Variants in HEPHL1 observed in about 807,000 individuals in gnomAD.
HEPHL1 encodes hephaestin like 1, also known as ferroxidase HEPHL1.
A neutral mutation model predicts 122.0 loss-of-function variants in HEPHL1; 123 were observed. The ratio of observed to expected loss-of-function variants is 1.01; its 90% CI spans 0.87 to 1.17. HEPHL1 has a LOEUF of 1.17. Among genes scored for constraint, HEPHL1 ranks in the 50% most tolerant of loss-of-function variants. The probability of loss-of-function intolerance (pLI) is 0.00; values close to 1 mark genes in which losing one functional copy is unlikely to be tolerated. For missense variants in HEPHL1, 1,452 were observed against 1,430.5 expected (o/e 1.01, Z -0.24); for synonymous variants, 527 against 508.9 (o/e 1.04, Z -0.48).
chr11:94,101,418 G>T (rs1396941794), intron 14 of HEPHL1, 83 bp downstream of exon 14: 6 of 1,373,240 alleles, frequency 4.4e-6, no homozygotes, highest in South Asian at 1.4e-5. Context: ...GTCTTAAAGA[G>T]CTCATCTTAA....
intron 1 of HEPHL1, among the ~76,000 whole-genome samples, chr11:94,023,837 G>C (rs1025343215): frequency 3.3e-5 from 5 of 152,126 alleles, no homozygotes; most frequent in African/African-American, 7.2e-5. Flanking sequence ...TCAGAATACT[G>C]GTTTTTATCA....
At chr11:94,100,148 T>C (rs1454617992) in intron 13 of HEPHL1, among the ~76,000 whole-genome samples, 1 of 152,220 alleles carries the variant, frequency 6.6e-6, no homozygotes, top group Non-Finnish European at 1.5e-5. Flanking sequence ...TCATCCATCT[T>C]GGAACTACCC....
In HEPHL1 at chr11:94,101,294, T is replaced by C; in HGVS notation, c.2534T>C (p.Met845Thr). ...ATCTCAGCCCAGGGTGTGGAGGAGA[T>C]GGATAGTGGAAAGCAATTCCAAGTG... The part of the protein sequence containing the change: ...YSISAQGVEE[M>T]DSGKQFQVPM... Residue 845 changes from methionine to threonine, a missense_variant, in exon 14 of 20, where the codon ATG (methionine) becomes ACG (threonine). Transcript: ENST00000315765. The C allele has an allele frequency of 6.2e-7, 1 of 1,613,832 alleles. No individual in the cohort carries two copies. The highest frequency in any genetic ancestry group is 8.5e-7 in the Non-Finnish European group (1 of 1,179,826).
chr11:94,069,654 C>T lies in HEPHL1; in HGVS notation c.1064-720C>T, dbSNP rs75988661. ...GCTTACTTCATCATGGTTAATACTT[C>T]CAGTGTCCATTATAAGGAGATTACA... On this transcript the variant is annotated intron_variant, in intron 5 of 19. Coordinates refer to ENST00000315765, the MANE Select transcript of HEPHL1 (RefSeq NM_001098672.2). 9.1e-3 allele frequency among the ~76,000 whole-genome samples: 1,389 copies of T among 152,212 alleles called. 21 individuals carry two copies. Among genetic ancestry groups the T allele is most frequent in the African/African-American group, 0.032 (1,334 of 41,544 alleles).
rs926599053 is a variant in HEPHL1, at chr11:94,103,095, G to A, written c.2682+75G>A. ...TGACTACTTGGGTCATCACAATTTG[G>A]GTTGGTATATGTGAAAGCGTATAAT... is the stretch of plus-strand genomic sequence containing the variant. On this transcript the variant is annotated intron_variant, in intron 15 of 19. Transcript: ENST00000315765. The A allele has an allele frequency of 5.9e-6, 5 of 851,930 alleles. No individual in the cohort carries two copies. In the East Asian group the frequency reaches 7.3e-5, roughly 12 times the overall value. 52.8% of individuals were successfully genotyped at this position (851,930 alleles called of 1,614,324 possible).
chr11:94,090,953 C>T (rs573164724), intron 12 of HEPHL1, among the ~76,000 whole-genome samples: 2 of 152,206 alleles, frequency 1.3e-5, no homozygotes, highest in East Asian at 1.9e-4. Flanking sequence ...ATGGGACCAT[C>T]GGTACAATGT....
intron 13 of HEPHL1, among the ~76,000 whole-genome samples, chr11:94,094,809 A>T (rs559279662): frequency 6.6e-6 from 1 of 152,184 alleles, no homozygotes; most frequent in African/African-American, 2.4e-5. Flanking sequence ...TTTGAGAAGC[A>T]TCTGTTCATA....
chr11:94,085,579 G>C (rs1001257663), intron 10 of HEPHL1, among the ~76,000 whole-genome samples: 2 of 152,050 alleles, frequency 1.3e-5, no homozygotes, highest in African/African-American at 4.8e-5. Context: ...GGCAAATGAG[G>C]GTCTTGTAGA....
intron 9 of HEPHL1, among the ~76,000 whole-genome samples, chr11:94,080,229 A>C (rs1389959313): frequency 1.3e-5 from 2 of 152,236 alleles, no homozygotes; most frequent in African/African-American, 4.8e-5. Context: ...ATGCTGGGAG[A>C]ACTGGCTAGC....
intron 1 of HEPHL1, among the ~76,000 whole-genome samples, chr11:94,021,948 A>T (rs1409675456): frequency 6.6e-6 from 1 of 152,184 alleles, no homozygotes; most frequent in Non-Finnish European, 1.5e-5. Context: ...TCTGGAATGA[A>T]ACATCATAAT....
In HEPHL1 at chr11:94,027,712, A is replaced by C. The variant is rs529700962; in HGVS notation, c.170+6174A>C. 7.2e-4 allele frequency among the ~76,000 whole-genome samples: 110 copies of C among 152,194 alleles called. 1 individual carries two copies. Among genetic ancestry groups the C allele is most frequent in the African/African-American group, 2.6e-3 (106 of 41,538 alleles). On this transcript the variant is annotated intron_variant, in intron 1 of 19. Coordinates refer to ENST00000315765, the MANE Select transcript of HEPHL1 (RefSeq NM_001098672.2). ...AGTGAGAGAGTTGGGATTCAAGCTC[A>C]TTTTCATTCCCCCTCATCATGCCAT...
At chr11:94,044,825 C>G (rs985208664) in intron 1 of HEPHL1, among the ~76,000 whole-genome samples, 1 of 146,240 alleles carries the variant, frequency 6.8e-6, no homozygotes, top group Non-Finnish European at 1.5e-5. Context: ...TGCAGTGGTG[C>G]GATCTTGGCT....
chr11:94,028,095 GT>G (rs1361945946), intron 1 of HEPHL1, among the ~76,000 whole-genome samples: 1 of 152,146 alleles, frequency 6.6e-6, no homozygotes, highest in Non-Finnish European at 1.5e-5. Context: ...TTATTTTGCA[GT>G]TTATCTTCAT....
chr11:94,082,608 A>T lies in HEPHL1; in HGVS notation c.1867+40A>T, dbSNP rs774537418. 3 of 1,571,260 alleles carry T rather than the reference A, an allele frequency of 1.9e-6. No individual in the cohort carries two copies. The East Asian group carries it at 6.8e-5, about 35-fold the overall frequency. ...ATTCCCGCCTGTAAATGAAAGGCTG[A>T]CTTGCATTAGAAGTGAAAATGATTG... On this transcript the variant is annotated intron_variant, in intron 10 of 19. Transcript: ENST00000315765.
chr11:94,031,728 G>T (rs1307287335), intron 1 of HEPHL1, among the ~76,000 whole-genome samples: 2 of 152,178 alleles, frequency 1.3e-5, no homozygotes, highest in African/African-American at 2.4e-5. Context: ...TCTCCATCGG[G>T]GGTCTAAACC....
intron 6 of HEPHL1, among the ~76,000 whole-genome samples, chr11:94,070,866 C>G (rs895748122): frequency 5.3e-5 from 8 of 151,952 alleles, no homozygotes. Context: ...TAGAGTAAGG[C>G]CTTTACACAT....
intron 8 of HEPHL1, 41 bp downstream of exon 8, chr11:94,073,480 G>A (rs554262609): frequency 1.3e-6 from 2 of 1,542,124 alleles, no homozygotes; most frequent in African/African-American, 2.7e-5. Context: ...CAGGACGGGT[G>A]AGCAAAGCAC....
intron 3 of HEPHL1, among the ~76,000 whole-genome samples, chr11:94,063,960 A>G (rs1285460795): frequency 6.6e-6 from 1 of 152,200 alleles, no homozygotes; most frequent in Non-Finnish European, 1.5e-5. Flanking sequence ...TCATAACACA[A>G]TGTATAGAAA....
chr11:94,105,433 T>C (rs1043874858), intron 16 of HEPHL1, among the ~76,000 whole-genome samples: 4 of 152,196 alleles, frequency 2.6e-5, no homozygotes, highest in African/African-American at 9.7e-5. Flanking sequence ...TGCACCACAA[T>C]GCACAGAATC....
Sources: gnomAD v4.1 joint callset for allele counts (sites outside exome capture counted in the v4.1 genomes callset) on GRCh38, gnomAD v4.1.1 for gene constraint, MANE v1.5 for transcripts, NCBI Gene and HGNC (gene_info 2026-07-23, HGNC 2026-07-21) for gene names.